ELP1: variants seen among roughly 807,000 people sequenced by gnomAD.
ELP1 encodes elongator complex protein 1.
ELP1 carries 131 observed loss-of-function variants against 183.2 expected under a neutral mutation model. The observed-to-expected ratio is 0.72, with a 90% CI of 0.62 to 0.83. The LOEUF (loss-of-function observed/expected upper bound fraction) is 0.83, where lower values mean the gene tolerates loss of function less well. ELP1 is among the 40% of genes least tolerant of loss of function. ELP1 has a pLI of 0.00. For synonymous variants in ELP1, 555 were observed against 569.0 expected (o/e 0.98, Z 0.35); for missense variants, 1,550 against 1,594.9 (o/e 0.97, Z 0.48).
At chr9:108,927,615 C>T (rs540208603) in intron 3 of ELP1, among the ~76,000 whole-genome samples, 162 bp from the exon 4 acceptor site, 2 of 152,246 alleles carry the variant, frequency 1.3e-5, no homozygotes, top group South Asian at 4.2e-4. Context: ...TTCACAATAG[C>T]TAAGATTTGG....
chr9:108,890,061 A>T (rs897646922), intron 28 of ELP1, among the ~76,000 whole-genome samples: 1 of 152,208 alleles, frequency 6.6e-6, no homozygotes, highest in Admixed American at 6.5e-5. Context: ...AAAAACTAGA[A>T]ATACTCCCTC....
chr9:108,922,786 G>T, intron 6 of ELP1, 56 bp downstream of exon 6: 1 of 1,325,758 alleles, frequency 7.5e-7, no homozygotes. Flanking sequence ...TTCCTGGTGG[G>T]TGGCAAACTT....
In ELP1 at chr9:108,874,747, G is replaced by C. The variant is rs189569471; in HGVS notation, c.3931+148C>G. On this transcript the variant is annotated intron_variant, in intron 36 of 36. Transcript: ENST00000374647. ...ATGAAACTGATCATACTAAAGATGC[G>C]GTCTTAGAATTGAGGAAGAATTGTA... is the stretch of plus-strand genomic sequence containing the variant. 3 of 645,108 alleles carry C rather than the reference G, an allele frequency of 4.7e-6. No individual in the cohort carries two copies. In the African/African-American group the frequency reaches 5.4e-5, roughly 12 times the overall value. 40.0% of individuals were successfully genotyped at this position (645,108 alleles called of 1,614,324 possible). A position where few individuals can be genotyped will look rare whatever the true frequency, so the allele number is the denominator to read the frequency against.
Position 108,919,344 on chromosome 9 carries a change from C to CT in ELP1, c.557dup (p.Ser187ValfsTer7). 1 of 1,612,116 alleles carries CT rather than the reference C, an allele frequency of 6.2e-7. No individual in the cohort carries two copies. The highest frequency in any genetic ancestry group is 2.2e-5 in the East Asian group (1 of 44,850). On this transcript the variant is annotated frameshift_variant, in exon 7 of 37. Coordinates refer to ENST00000374647, the MANE Select transcript of ELP1 (RefSeq NM_003640.5). LOFTEE classifies it high-confidence loss of function. ...TATGGTCATCCCAGGGCAAAGCAGA[C>CT]TCATGCTAAAAAGGGGAACAAACAC...
chr9:108,887,806 G>C (rs1828184270), intron 29 of ELP1, among the ~76,000 whole-genome samples: 1 of 152,180 alleles, frequency 6.6e-6, no homozygotes, highest in African/African-American at 2.4e-5. Context: ...AATACACCCA[G>C]TGTTGGTGAG....
At chr9:108,886,752 A>G (rs895242685) in intron 29 of ELP1, among the ~76,000 whole-genome samples, 1 of 152,202 alleles carries the variant, frequency 6.6e-6, no homozygotes, top group Non-Finnish European at 1.5e-5. Context: ...TCACAACTCT[A>G]ACTCTGCTGC....
intron 28 of ELP1, among the ~76,000 whole-genome samples, chr9:108,890,654 A>C (rs1828288079): frequency 6.6e-6 from 1 of 152,166 alleles, no homozygotes; most frequent in South Asian, 2.1e-4. Flanking sequence ...TGCTTTCAGA[A>C]TGCTTCGACA....
intron 25 of ELP1, among the ~76,000 whole-genome samples, chr9:108,896,032 C>T (rs1490242148): frequency 2.6e-5 from 4 of 152,110 alleles, no homozygotes; most frequent in Non-Finnish European, 4.4e-5. Flanking sequence ...CTGAGGTAGG[C>T]GGATCACGAG....
chr9:108,904,459 T>G (rs1587900397), intron 14 of ELP1, among the ~76,000 whole-genome samples: 1 of 152,140 alleles, frequency 6.6e-6, no homozygotes, highest in Admixed American at 6.5e-5. Context: ...GACAAAGAAG[T>G]AGTGATAAAA....
chr9:108,926,247 T>C (rs936650663), intron 5 of ELP1, among the ~76,000 whole-genome samples: 7 of 152,208 alleles, frequency 4.6e-5, no homozygotes, highest in African/African-American at 1.7e-4. Context: ...AAATACTACC[T>C]TGTACAGTCC....
intron 35 of ELP1, among the ~76,000 whole-genome samples, chr9:108,877,094 C>T (rs935042576): frequency 3.3e-5 from 5 of 152,162 alleles, no homozygotes; most frequent in East Asian, 1.9e-4. Flanking sequence ...TACTTCTGTA[C>T]GCTTGGAACC....
At chr9:108,929,644 A>T in intron 3 of ELP1, 125 bp downstream of exon 3, 1 of 958,690 alleles carries the variant, frequency 1.0e-6, no homozygotes, top group Non-Finnish European at 1.6e-6. Context: ...AAAGAAATAT[A>T]TAATGCAAAA....
chr9:108,889,497 G>A (rs1228620007), intron 28 of ELP1, 104 bp from the exon 29 acceptor site: 1 of 1,056,640 alleles, frequency 9.5e-7, no homozygotes, highest in Non-Finnish European at 1.5e-6. Flanking sequence ...TGTACTTTCT[G>A]AATTTCTGTG....
intron 13 of ELP1, among the ~76,000 whole-genome samples, chr9:108,908,005 G>A (rs755737734): frequency 3.9e-5 from 6 of 152,126 alleles, no homozygotes; most frequent in Non-Finnish European, 7.3e-5. Flanking sequence ...ATGCAGCTCC[G>A]CCTTATCATT....
At chr9:108,873,710 G>A (rs888750732) in intron 36 of ELP1, among the ~76,000 whole-genome samples, 6 of 152,256 alleles carry the variant, frequency 3.9e-5, no homozygotes, top group South Asian at 4.1e-4. Context: ...CAGGTCTAAT[G>A]TAAGTTCCTA....
At chr9:108,887,224 T>C (rs1021413249) in intron 29 of ELP1, among the ~76,000 whole-genome samples, 4 of 151,746 alleles carry the variant, frequency 2.6e-5, no homozygotes, top group Non-Finnish European at 4.4e-5. Context: ...TAAAATAATA[T>C]AGAATAAAAT....
At chr9:108,898,430 T>A in intron 22 of ELP1, 72 bp downstream of exon 22, 1 of 1,003,848 alleles carries the variant, frequency 1.0e-6, no homozygotes, top group Non-Finnish European at 1.5e-6. Context: ...TCTAGCTATT[T>A]ATGCTTGATT....
At chr9:108,895,647 T>A (rs1221738941) in intron 25 of ELP1, among the ~76,000 whole-genome samples, 5 of 152,134 alleles carry the variant, frequency 3.3e-5, no homozygotes, top group Admixed American at 3.3e-4. Flanking sequence ...CTCGGAACAA[T>A]GGGAGCTCAT....
intron 2 of ELP1, 101 bp from the exon 3 acceptor site, chr9:108,930,022 A>G (rs574728539): frequency 7.5e-7 from 1 of 1,328,060 alleles, no homozygotes; most frequent in Admixed American, 1.8e-5. Flanking sequence ...TATTACATAA[A>G]AGCTTTCAAA....
Sources: gnomAD v4.1 joint callset for allele counts (sites outside exome capture counted in the v4.1 genomes callset) on GRCh38, gnomAD v4.1.1 for gene constraint, MANE v1.5 for transcripts, NCBI Gene and HGNC (gene_info 2026-07-23, HGNC 2026-07-21) for gene names.